Variants in SV2B observed in about 807,000 individuals in gnomAD.
SV2B encodes the protein solute carrier family 22 member B2.
SV2B carries 41 observed loss-of-function variants against 73.9 expected under a neutral mutation model. That is an observed-to-expected ratio of 0.56 (90% CI 0.43 to 0.72). SV2B has a LOEUF of 0.72. Ranked by LOEUF, SV2B falls within the 30% of genes least tolerant of loss-of-function variation. The probability of loss-of-function intolerance (pLI) is 0.00; values close to 1 mark genes in which losing one functional copy is unlikely to be tolerated. For missense variants in SV2B, 764 were observed against 857.8 expected (o/e 0.89, Z 1.37); for synonymous variants, 314 against 314.2 (o/e 1.00, Z 0.01).
intron 1 of SV2B, among the ~76,000 whole-genome samples, chr15:91,181,495 C>T (rs1279252664): frequency 6.6e-6 from 1 of 151,762 alleles, no homozygotes; most frequent in Non-Finnish European, 1.5e-5. Flanking sequence ...AATTTTCTTA[C>T]ATTAATTTGC....
At chr15:91,162,518 A>G (rs1322764325) in intron 1 of SV2B, among the ~76,000 whole-genome samples, 2 of 119,244 alleles carry the variant, frequency 1.7e-5, no homozygotes, top group Non-Finnish European at 3.4e-5. Flanking sequence ...TAGAAACATA[A>G]GATAACACCT....
At chr15:91,182,072 A>G (rs1567321820) in intron 1 of SV2B, among the ~76,000 whole-genome samples, 1 of 152,176 alleles carries the variant, frequency 6.6e-6, no homozygotes, top group Non-Finnish European at 1.5e-5. Flanking sequence ...GAACCACATT[A>G]TCACTGGCCT....
intron 9 of SV2B, among the ~76,000 whole-genome samples, chr15:91,278,872 A>G (rs967113755): frequency 1.1e-4 from 16 of 151,792 alleles, no homozygotes; most frequent in Non-Finnish European, 1.9e-4. Context: ...TAAGAACTCT[A>G]TTTCATTTCA....
chr15:91,272,359 G>A (rs569356640), intron 9 of SV2B, among the ~76,000 whole-genome samples: 2 of 152,192 alleles, frequency 1.3e-5, no homozygotes, highest in South Asian at 4.1e-4. Context: ...TCTCTTCCTG[G>A]GAAGACATTT....
rs998174475 is a variant in SV2B, at chr15:91,290,343, G to A, written c.1868+663G>A. Among the ~76,000 whole-genome samples, 20 of 152,206 alleles carry A rather than the reference G, an allele frequency of 1.3e-4. No homozygotes were observed. The highest frequency in any genetic ancestry group is 1.8e-4 in the Non-Finnish European group (12 of 68,030). ...CCTTAATGATATTTCCAAAATTGGCGACAGAGGTATTGGGATATAGATAAC... is the reference window on the plus strand; with the variant it reads ...CCTTAATGATATTTCCAAAATTGGCAACAGAGGTATTGGGATATAGATAAC... On this transcript the variant is annotated intron_variant, in intron 12 of 12. Transcript: ENST00000394232. The surrounding 1 kb of genome is among the most constrained non-coding windows in gnomAD (Gnocchi z 4.7).
Position 91,289,733 on chromosome 15 carries a change from G to T in SV2B, c.1868+53G>T. 1 of 1,572,402 alleles carries T rather than the reference G, an allele frequency of 6.4e-7. No individual in the cohort carries two copies. The highest frequency in any genetic ancestry group is 8.7e-7 in the Non-Finnish European group (1 of 1,156,060). ...GGACTTGTTTGGGCTTCTTTGGCCA[G>T]AAGTCTACCTGCTCCCTAAATCTCA... On this transcript the variant is annotated intron_variant, in intron 12 of 12. Coordinates refer to ENST00000394232, the MANE Select transcript of SV2B (RefSeq NM_001323032.3). The surrounding 1 kb of genome is among the most constrained non-coding windows in gnomAD (Gnocchi z 4.9).
rs1015721971 is a variant in SV2B at position 91,284,433 on chromosome 15, G to A, written c.1708+212G>A. Among the ~76,000 whole-genome samples the A allele has an allele frequency of 2.0e-5, 3 of 152,318 alleles. No homozygotes were observed. The highest frequency in any genetic ancestry group is 6.8e-3 in the Middle Eastern group (2 of 294). ...ATAGTCAAGAATCTTTGGTCTAGGC[G>A]AGGGACTTTTGTTCATTTCCTGACA... On this transcript the variant is annotated intron_variant, in intron 11 of 12. Transcript: ENST00000394232. This position sits in a 1 kb window ranked among gnomAD's most constrained non-coding sequence, Gnocchi z 4.5.
At chr15:91,211,738 A>G (rs2045872408) in intron 1 of SV2B, among the ~76,000 whole-genome samples, 1 of 150,236 alleles carries the variant, frequency 6.7e-6, no homozygotes, top group Non-Finnish European at 1.5e-5. Context: ...TCCTGACCTC[A>G]TAATCCACCC....
intron 1 of SV2B, among the ~76,000 whole-genome samples, chr15:91,222,927 G>A (rs922011213): frequency 3.9e-5 from 6 of 152,132 alleles, no homozygotes; most frequent in African/African-American, 1.2e-4. Flanking sequence ...TAAACACTAG[G>A]CTTGTTGAAT....
rs367731365 is a variant in SV2B at position 91,117,182 on chromosome 15, G to A, written c.-392+16819G>A. Among the ~76,000 whole-genome samples the A allele has an allele frequency of 1.3e-3, 191 of 152,230 alleles. 4 individuals are homozygous for A. The South Asian group carries it at 0.036, about 28-fold the overall frequency. On this transcript the variant is annotated intron_variant, in intron 1 of 12. Transcript: ENST00000394232. ...TTTGTTCCATGGTGGCAAGAGTATCGGTCTGGAGCTAGATTGCTGGGATTG... is the reference window on the plus strand; with the variant it reads ...TTTGTTCCATGGTGGCAAGAGTATCAGTCTGGAGCTAGATTGCTGGGATTG...
At position 91,197,638 on chromosome 15, in the gene SV2B, A is replaced by C. The variant is rs1398556057; in HGVS notation, c.-391-28235A>C. On this transcript the variant is annotated intron_variant, in intron 1 of 12. Transcript: ENST00000394232. The surrounding 1 kb of genome is among the most constrained non-coding windows in gnomAD (Gnocchi z 4.9). ...GGAGAGTTATCCCTAGGAATACTAT[A>C]TAGCAGTTCAGCTACATTAATTACA... Among the ~76,000 whole-genome samples, 1 of 152,262 alleles carries C rather than the reference A, an allele frequency of 6.6e-6. No individual in the cohort carries two copies. The highest frequency in any genetic ancestry group is 6.5e-5 in the Admixed American group (1 of 15,288).
intron 1 of SV2B, among the ~76,000 whole-genome samples, chr15:91,209,114 GTTTTTTTTTTTT>G (rs903531189): frequency 1.1e-5 from 1 of 90,022 alleles, no homozygotes; most frequent in African/African-American, 6.2e-5. Flanking sequence ...ACTGTTTTTT[GTTTTTTTTTTTT>G]TTTTTTTTTT....
Position 91,227,344 on chromosome 15 carries a change from G to A in SV2B, c.451+630G>A, listed in dbSNP as rs1038246783. ...GCTTTGCAAATCAATTAAGAGATCA[G>A]CACCATCAGAGCCAAGCATCAGCAT... On this transcript the variant is annotated intron_variant, in intron 2 of 12. Coordinates refer to ENST00000394232, the MANE Select transcript of SV2B (RefSeq NM_001323032.3). The surrounding 1 kb of genome is among the most constrained non-coding windows in gnomAD (Gnocchi z 4.5). Among the ~76,000 whole-genome samples, 14 of 152,176 alleles carry A rather than the reference G, an allele frequency of 9.2e-5. No homozygotes were observed. The highest frequency in any genetic ancestry group is 3.1e-4 in the African/African-American group (13 of 41,450).
chr15:91,288,744 C>T lies in SV2B; in HGVS notation c.1709-777C>T, dbSNP rs1347334913. On this transcript the variant is annotated intron_variant, in intron 11 of 12. Transcript: ENST00000394232. This position sits in a 1 kb window ranked among gnomAD's most constrained non-coding sequence, Gnocchi z 5.8. ...CCAGGCTGGAGTACAGTGGCGCCATCTCGGCTCACTGCAACCTCTGCCTCC... is the reference window on the plus strand; with the variant it reads ...CCAGGCTGGAGTACAGTGGCGCCATTTCGGCTCACTGCAACCTCTGCCTCC... Among the ~76,000 whole-genome samples, 4 of 152,054 alleles carry T rather than the reference C, an allele frequency of 2.6e-5. No individual in the cohort carries two copies. Among genetic ancestry groups the T allele is most frequent in the Non-Finnish European group, 4.4e-5 (3 of 68,020 alleles).
At position 91,281,775 on chromosome 15, in the gene SV2B, T is replaced by G; in HGVS notation, c.1421T>G (p.Phe474Cys). 4 of 1,613,204 alleles carry G rather than the reference T, an allele frequency of 2.5e-6. No individual in the cohort carries two copies. Among genetic ancestry groups the G allele is most frequent in the Non-Finnish European group, 3.4e-6 (4 of 1,179,410 alleles). Reference protein sequence around the residue: ...FKHVLFEDTFFDECYFEDVTS... With the variant: ...FKHVLFEDTFCDECYFEDVTS... The stretch of plus-strand genomic sequence containing the variant: ...CATGTACTCTTTGAGGACACATTCT[T>G]TGACGAGTGCTATTTTGAAGACGTA... Residue 474 changes from phenylalanine to cysteine, a missense_variant, in exon 10 of 13, where the codon TTT (phenylalanine) becomes TGT (cysteine). By Grantham distance (205) the Phe-to-Cys change is radical (BLOSUM62 -2). Transcript: ENST00000394232. The surrounding 1 kb of genome is among the most constrained non-coding windows in gnomAD (Gnocchi z 4.7).
At position 91,136,191 on chromosome 15, in the gene SV2B, C is replaced by A. The variant is rs1212796789; in HGVS notation, c.-392+35828C>A. Among the ~76,000 whole-genome samples the A allele has an allele frequency of 5.9e-5, 9 of 152,150 alleles. No individual in the cohort carries two copies. The highest frequency in any genetic ancestry group is 1.3e-4 in the Non-Finnish European group (9 of 68,024). On this transcript the variant is annotated intron_variant, in intron 1 of 12. Coordinates refer to ENST00000394232, the MANE Select transcript of SV2B (RefSeq NM_001323032.3). This position sits in a 1 kb window ranked among gnomAD's most constrained non-coding sequence, Gnocchi z 5.6. Reference sequence around the variant, plus strand: ...TAAATGCCACTGGTCTCTGATATGCCAAAGAGGGGCCTGCTGGAGAGAACT... The same window carrying A: ...TAAATGCCACTGGTCTCTGATATGCAAAAGAGGGGCCTGCTGGAGAGAACT...
Position 91,124,441 on chromosome 15 carries a change from C to A in SV2B, c.-392+24078C>A, listed in dbSNP as rs2042421659. 6.6e-6 allele frequency among the ~76,000 whole-genome samples: 1 copy of A among 152,034 alleles called. No homozygotes were observed. On this transcript the variant is annotated intron_variant, in intron 1 of 12. Coordinates refer to ENST00000394232, the MANE Select transcript of SV2B (RefSeq NM_001323032.3). The surrounding 1 kb of genome is among the most constrained non-coding windows in gnomAD (Gnocchi z 4.6). ...AGCCAAGAGCCAGTGAGGAAGAGAG[C>A]CTGGAGGGGGAAATGTGCATTCCTT... is the stretch of plus-strand genomic sequence containing the variant.
chr15:91,165,719 G>A (rs1254954782), intron 1 of SV2B, among the ~76,000 whole-genome samples: 2 of 152,078 alleles, frequency 1.3e-5, no homozygotes, highest in Non-Finnish European at 2.9e-5. Context: ...ATTTTCTTCT[G>A]CTTATAGCCC....
chr15:91,126,978 T>C (rs73503181), intron 1 of SV2B, among the ~76,000 whole-genome samples: 11,726 of 152,266 alleles, frequency 0.077, 511 homozygotes, highest in South Asian at 0.16. Context: ...CACTTCAACA[T>C]TATAGGACAC....
Sources: gnomAD v4.1 joint callset for allele counts (sites outside exome capture counted in the v4.1 genomes callset) on GRCh38, gnomAD v4.1.1 for gene constraint, Gnocchi (gnomAD v3.1) non-coding constraint, MANE v1.5 for transcripts, NCBI Gene and HGNC (gene_info 2026-07-23, HGNC 2026-07-21) for gene names.